PTPRD: variants seen among roughly 807,000 people sequenced by gnomAD.
The protein encoded by PTPRD is receptor-type tyrosine-protein phosphatase delta.
A neutral mutation model predicts 214.5 loss-of-function variants in PTPRD; 34 were observed. The observed-to-expected ratio is 0.16, with a 90% CI of 0.12 to 0.21. PTPRD has a LOEUF of 0.21. Ranked by LOEUF, PTPRD falls within the 10% of genes least tolerant of loss-of-function variation. PTPRD has a pLI of 1.00. For synonymous variants in PTPRD, 1,128 were observed against 845.7 expected (o/e 1.33, Z -5.79); for missense variants, 2,545 against 2,398.7 (o/e 1.06, Z -1.27).
intron 9 of PTPRD, among the ~76,000 whole-genome samples, chr9:9,284,719 C>T (rs1459320138): frequency 6.6e-6 from 1 of 151,678 alleles, no homozygotes; most frequent in Non-Finnish European, 1.5e-5. Flanking sequence ...AGAAAAGTGT[C>T]CTGGTGCAAT....
intron 2 of PTPRD, among the ~76,000 whole-genome samples, chr9:10,364,596 T>G (rs1403448918): frequency 6.7e-6 from 1 of 149,586 alleles, no homozygotes; most frequent in African/African-American, 2.6e-5. Flanking sequence ...AAATATTCTA[T>G]CCAACTATAT....
chr9:9,617,934 T>A (rs993301677), intron 7 of PTPRD, among the ~76,000 whole-genome samples: 2 of 150,968 alleles, frequency 1.3e-5, no homozygotes, highest in African/African-American at 4.9e-5. Flanking sequence ...TAGCCGGGCA[T>A]GGTGGCGGGC....
At chr9:9,132,533 TG>T (rs1193056915) in intron 10 of PTPRD, among the ~76,000 whole-genome samples, 1 of 152,156 alleles carries the variant, frequency 6.6e-6, no homozygotes, top group Non-Finnish European at 1.5e-5. Flanking sequence ...ACAATGGAGC[TG>T]GAAAAAAGTA....
At chr9:9,138,634 A>T (rs1030857833) in intron 10 of PTPRD, among the ~76,000 whole-genome samples, 1 of 152,124 alleles carries the variant, frequency 6.6e-6, no homozygotes, top group Admixed American at 6.5e-5. Flanking sequence ...GTGGGGAGGG[A>T]ATAACCACAG....
In PTPRD at chr9:10,290,703, C is replaced by T. The variant is rs61164767; in HGVS notation, c.-545+50260G>A. 9.5e-3 allele frequency among the ~76,000 whole-genome samples: 1,444 copies of T among 152,152 alleles called. 29 individuals are homozygous for T. Among genetic ancestry groups the T allele is most frequent in the African/African-American group, 0.033 (1,376 of 41,530 alleles). The stretch of plus-strand genomic sequence containing the variant: ...TATTTAAAAATGCATTTATAGCTGA[C>T]ATGCATTATGTTTAGGAGACAAAAA... On this transcript the variant is annotated intron_variant, in intron 3 of 45. Coordinates refer to ENST00000381196, the MANE Select transcript of PTPRD (RefSeq NM_002839.4).
At chr9:10,236,772 A>G (rs570129344) in intron 3 of PTPRD, among the ~76,000 whole-genome samples, 7 of 152,054 alleles carry the variant, frequency 4.6e-5, no homozygotes, top group African/African-American at 1.4e-4. Context: ...GTTTTAGTTC[A>G]AAATACTTCA....
In PTPRD at chr9:8,934,466, T is replaced by TAA. The variant is rs1437030482; in HGVS notation, c.-104+84230_-104+84231insTT. Among the ~76,000 whole-genome samples the TAA allele has an allele frequency of 2.3e-4, 6 of 26,138 alleles. No homozygotes were observed. The South Asian group carries it at 3.1e-3, about 14-fold the overall frequency. 17.1% of individuals were successfully genotyped at this position (26,138 alleles called of 152,430 possible). Reference sequence around the variant, plus strand: ...ATATATAAATTTATATATATATAAATATATATATATAAATATATATATATA... The same window carrying TAA: ...ATATATAAATTTATATATATATAAATAAATATATATATAAATATATATATATA... On this transcript the variant is annotated intron_variant, in intron 11 of 45. Coordinates refer to ENST00000381196, the MANE Select transcript of PTPRD (RefSeq NM_002839.4).
intron 14 of PTPRD, among the ~76,000 whole-genome samples, chr9:8,539,189 TAA>T (rs1188786865): frequency 1.3e-5 from 2 of 152,080 alleles, no homozygotes; most frequent in African/African-American, 2.4e-5. Context: ...CTGAGTAAAT[TAA>T]AAGTTTCAGG....
intron 11 of PTPRD, among the ~76,000 whole-genome samples, chr9:8,773,020 C>T (rs1165168705): frequency 6.6e-6 from 1 of 152,120 alleles, no homozygotes; most frequent in Non-Finnish European, 1.5e-5. Flanking sequence ...TTCTACTCTA[C>T]TGAATGCCCT....
At chr9:9,214,203 A>T (rs2099950679) in intron 9 of PTPRD, among the ~76,000 whole-genome samples, 1 of 152,174 alleles carries the variant, frequency 6.6e-6, no homozygotes, top group Non-Finnish European at 1.5e-5. Context: ...GCTGTCAAAA[A>T]CACAGCTGTT....
intron 5 of PTPRD, among the ~76,000 whole-genome samples, chr9:9,790,026 G>A (rs1158134297): frequency 6.6e-6 from 1 of 151,844 alleles, no homozygotes; most frequent in East Asian, 1.9e-4. Flanking sequence ...TTAACTTCAT[G>A]GGATCAAAGA....
At chr9:8,619,717 A>G (rs1024014715) in intron 14 of PTPRD, among the ~76,000 whole-genome samples, 1 of 151,752 alleles carries the variant, frequency 6.6e-6, no homozygotes, top group Non-Finnish European at 1.5e-5. Context: ...ATAAATCTCC[A>G]TTACACAACC....
intron 5 of PTPRD, among the ~76,000 whole-genome samples, chr9:9,904,309 C>G (rs949777142): frequency 6.6e-6 from 1 of 152,044 alleles, no homozygotes; most frequent in South Asian, 2.1e-4. Context: ...TTATCTTACA[C>G]TGACTACCAA....
At chr9:9,014,970 G>C (rs1236552333) in intron 11 of PTPRD, among the ~76,000 whole-genome samples, 1 of 152,080 alleles carries the variant, frequency 6.6e-6, no homozygotes, top group Non-Finnish European at 1.5e-5. Flanking sequence ...AGGTATGTCT[G>C]TGTACATGTG....
chr9:9,543,434 A>C (rs889708026), intron 8 of PTPRD, among the ~76,000 whole-genome samples: 2 of 151,708 alleles, frequency 1.3e-5, no homozygotes, highest in African/African-American at 4.8e-5. Flanking sequence ...GCTTCACATT[A>C]TATCAATATC....
intron 4 of PTPRD, among the ~76,000 whole-genome samples, chr9:9,982,042 G>A (rs537326003): frequency 6.2e-4 from 95 of 152,282 alleles, no homozygotes; most frequent in African/African-American, 2.0e-3. Context: ...TGCTTTACCA[G>A]ATTGCTTCCC....
intron 4 of PTPRD, among the ~76,000 whole-genome samples, chr9:10,001,900 A>C (rs1047601507): frequency 2.0e-4 from 31 of 152,148 alleles, no homozygotes; most frequent in African/African-American, 7.5e-4. Context: ...TATACAAGAT[A>C]ATGTAAATAT....
chr9:9,775,514 C>T (rs1320936092), intron 5 of PTPRD, among the ~76,000 whole-genome samples: 14 of 152,312 alleles, frequency 9.2e-5, no homozygotes, highest in Middle Eastern at 3.4e-3. Context: ...TACACCTAAA[C>T]TTTCTTCTGG....
rs762711027 is a variant in PTPRD at position 9,117,237 on chromosome 9, T to TTTTTTTTG, written c.-143+66066_-143+66067insCAAAAAAA. On this transcript the variant is annotated intron_variant, in intron 10 of 45. Coordinates refer to ENST00000381196, the MANE Select transcript of PTPRD (RefSeq NM_002839.4). Reference sequence around the variant, plus strand: ...GAAATTAAGTTTTTTTTTTTTTTTGTACTTTCAGGGTATGATTAACTTATA... The same window carrying TTTTTTTTG: ...GAAATTAAGTTTTTTTTTTTTTTTGTTTTTTTTGACTTTCAGGGTATGATTAACTTATA... Among the ~76,000 whole-genome samples, 547 of 147,462 alleles carry TTTTTTTTG rather than the reference T, an allele frequency of 3.7e-3. 5 individuals carry two copies. Among genetic ancestry groups the TTTTTTTTG allele is most frequent in the African/African-American group, 0.013 (506 of 38,180 alleles).
Sources: gnomAD v4.1 joint callset for allele counts (sites outside exome capture counted in the v4.1 genomes callset) on GRCh38, gnomAD v4.1.1 for gene constraint, MANE v1.5 for transcripts, NCBI Gene and HGNC (gene_info 2026-07-23, HGNC 2026-07-21) for gene names.